The following SMAD2 variants were observed in gnomAD, a reference collection of about 807,000 sequenced individuals.
SMAD2 encodes the protein SMAD family member 2.
Under a neutral mutation model 64.4 loss-of-function variants are expected in SMAD2, and 8 were observed. That is an observed-to-expected ratio of 0.12 (90% CI 0.07 to 0.22). The LOEUF (loss-of-function observed/expected upper bound fraction) is 0.22. SMAD2 is among the 10% of genes least tolerant of loss of function. SMAD2 has a pLI of 1.00. For synonymous variants in SMAD2, 203 were observed against 195.8 expected (o/e 1.04, Z -0.31); for missense variants, 289 against 561.2 (o/e 0.51, Z 4.90).
chr18:47,927,862 G>C (rs2034829795), intron 1 of SMAD2, among the ~76,000 whole-genome samples: 1 of 152,226 alleles, frequency 6.6e-6, no homozygotes, highest in African/African-American at 2.4e-5. Context: ...TCGTGCCATT[G>C]CACTCCAGCC....
chr18:47,913,586 A>G (rs901654816), intron 1 of SMAD2, among the ~76,000 whole-genome samples: 4 of 152,240 alleles, frequency 2.6e-5, no homozygotes, highest in Non-Finnish European at 5.9e-5. Context: ...ATACATCTTC[A>G]ATTAGTTAAG....
intron 1 of SMAD2, among the ~76,000 whole-genome samples, chr18:47,910,660 G>GA (rs1208756643): frequency 2.0e-5 from 3 of 152,188 alleles, no homozygotes; most frequent in Non-Finnish European, 4.4e-5. Flanking sequence ...CAATGAGGAT[G>GA]AAGACCTTCA....
At chr18:47,869,922 T>A (rs1166123195) in intron 3 of SMAD2, among the ~76,000 whole-genome samples, 1 of 152,174 alleles carries the variant, frequency 6.6e-6, no homozygotes, top group Non-Finnish European at 1.5e-5. Flanking sequence ...GTGACTGTTT[T>A]GAGAACTGAG....
intron 1 of SMAD2, among the ~76,000 whole-genome samples, chr18:47,917,617 C>T (rs542311221): frequency 6.6e-6 from 1 of 152,030 alleles, no homozygotes; most frequent in Admixed American, 6.6e-5. Flanking sequence ...TGGAGTTATA[C>T]GTTATTCTAT....
At chr18:47,903,262 G>A (rs914007615) in intron 1 of SMAD2, among the ~76,000 whole-genome samples, 15 of 151,976 alleles carry the variant, frequency 9.9e-5, no homozygotes, top group Admixed American at 4.6e-4. Context: ...AATGAGTAGC[G>A]AACTTGAAGA....
rs1913373938 is a variant in SMAD2 at position 47,835,919 on chromosome 18, A to G, written c.*5908T>C. Reference sequence around the variant, plus strand: ...TACTTTTCTCGAAATTTTTTTGAAGAAAAATCTAAAAGCCCTCTATGTTGA... The same window carrying G: ...TACTTTTCTCGAAATTTTTTTGAAGGAAAATCTAAAAGCCCTCTATGTTGA... On this transcript the variant is annotated 3_prime_UTR_variant, in exon 11 of 11. Transcript: ENST00000262160. The G allele has an allele frequency of 4.8e-6, 1 of 207,972 alleles. No individual in the cohort carries two copies. The highest frequency in any genetic ancestry group is 9.8e-6 in the Non-Finnish European group (1 of 102,102). The allele number at this position is 207,972 out of a possible 1,614,324, so 12.9% of individuals were successfully genotyped here.
chr18:47,867,802 G>A (rs764586638), intron 5 of SMAD2, among the ~76,000 whole-genome samples: 11 of 152,078 alleles, frequency 7.2e-5, no homozygotes, highest in Non-Finnish European at 1.3e-4. Context: ...AGATGCAGAC[G>A]AAACATAATT....
At chr18:47,905,421 G>T (rs951004963) in intron 1 of SMAD2, among the ~76,000 whole-genome samples, 2 of 151,314 alleles carry the variant, frequency 1.3e-5, no homozygotes, top group African/African-American at 2.4e-5. Flanking sequence ...TTCCAGCAGA[G>T]TTAAGCAATT....
chr18:47,908,329 T>C (rs2033986647), intron 1 of SMAD2, among the ~76,000 whole-genome samples: 1 of 152,172 alleles, frequency 6.6e-6, no homozygotes, highest in Non-Finnish European at 1.5e-5. Flanking sequence ...AACAGAGCTA[T>C]ATAATTGACC....
intron 1 of SMAD2, among the ~76,000 whole-genome samples, chr18:47,920,888 C>T (rs1324542102): frequency 6.6e-6 from 1 of 152,258 alleles, no homozygotes; most frequent in Non-Finnish European, 1.5e-5. Flanking sequence ...GGCACAGTGG[C>T]TTACGCCTGT....
intron 2 of SMAD2, among the ~76,000 whole-genome samples, chr18:47,881,018 A>G (rs2032554506): frequency 6.6e-6 from 1 of 152,180 alleles, no homozygotes; most frequent in Non-Finnish European, 1.5e-5. Flanking sequence ...TCAAGGCCAG[A>G]AAGACTTGGT....
At position 47,929,926 on chromosome 18, in the gene SMAD2, T is replaced by C. The variant is rs528838710; in HGVS notation, c.-54+435A>G. Among the ~76,000 whole-genome samples the C allele has an allele frequency of 3.4e-4, 51 of 152,188 alleles. 1 individual carries two copies. In the South Asian group the frequency reaches 7.9e-3, roughly 24 times the overall value. On this transcript the variant is annotated intron_variant, in intron 1 of 10. Transcript: ENST00000262160. ...ACAGAGTTATCAGCTGTGTGCGTGT[T>C]TGTGAGTACACACAAGCCATGGAAA...
chr18:47,904,131 G>A (rs531623738), intron 1 of SMAD2, among the ~76,000 whole-genome samples: 3 of 151,648 alleles, frequency 2.0e-5, no homozygotes, highest in Non-Finnish European at 4.4e-5. Flanking sequence ...GGGAGTCCTC[G>A]ATAGAAAGAG....
intron 1 of SMAD2, among the ~76,000 whole-genome samples, chr18:47,903,874 T>A (rs948602): frequency 0.58 from 34,073 of 58,596 alleles, 8,423 homozygotes; most frequent in East Asian, 0.71. Flanking sequence ...GAAAAAACAG[T>A]GTGGGGGGGG....
rs930656481 is a variant in SMAD2 at position 47,868,599 on chromosome 18, G to A, written c.521-142C>T. 6.0e-6 allele frequency: 4 copies of A among 663,226 alleles called. No individual in the cohort carries two copies. The East Asian group carries it at 1.1e-4, about 18-fold the overall frequency. The allele number at this position is 663,226 out of a possible 1,614,324, so 41.1% of individuals were successfully genotyped here. ...ACCTACTCGATATATACTAGTTACTGAGAAAATGACAAATCTGATTATGGC... is the reference window on the plus strand; with the variant it reads ...ACCTACTCGATATATACTAGTTACTAAGAAAATGACAAATCTGATTATGGC... On this transcript the variant is annotated intron_variant, in intron 4 of 10. Transcript: ENST00000262160.
intron 3 of SMAD2, 142 bp downstream of exon 3, chr18:47,870,333 C>A: frequency 1.5e-6 from 1 of 653,740 alleles, no homozygotes; most frequent in Non-Finnish European, 2.8e-6. Flanking sequence ...TACTGGCAAG[C>A]AGATATTTTA....
intron 2 of SMAD2, 124 bp downstream of exon 2, chr18:47,896,387 TTTATACAAGG>T: frequency 4.4e-6 from 4 of 907,664 alleles, no homozygotes; most frequent in Non-Finnish European, 5.2e-6. Flanking sequence ...GCAAAAACAA[TTTATACAAGG>T]TTAAAAACAG....
At position 47,848,704 on chromosome 18, in the gene SMAD2, T is replaced by TA. The variant is rs755626653; in HGVS notation, c.785-18dup. The TA allele has an allele frequency of 2.9e-4, 452 of 1,548,548 alleles. No individual in the cohort carries two copies. Among genetic ancestry groups the TA allele is most frequent in the Admixed American group, 8.8e-4 (52 of 59,190 alleles). On this transcript the variant is annotated splice_polypyrimidine_tract_variant and intron_variant, in intron 7 of 10. Transcript: ENST00000262160. ...GCTGTAAATCTGAAAAAGAAAAAAA[T>TA]AAAAAAATAATAAAAGGAAGAAATG... is the stretch of plus-strand genomic sequence containing the variant.
At chr18:47,862,152 C>A (rs2031237694) in intron 6 of SMAD2, among the ~76,000 whole-genome samples, 1 of 152,118 alleles carries the variant, frequency 6.6e-6, no homozygotes, top group African/African-American at 2.4e-5. Context: ...TTTATTTAAT[C>A]TCATCCTTCA....
Sources: gnomAD v4.1 joint callset for allele counts (sites outside exome capture counted in the v4.1 genomes callset) on GRCh38, gnomAD v4.1.1 for gene constraint, MANE v1.5 for transcripts, NCBI Gene and HGNC (gene_info 2026-07-23, HGNC 2026-07-21) for gene names.